The following TF variants were observed in gnomAD, a reference collection of about 807,000 sequenced individuals.
TF encodes transferrin.
In TF, 55 loss-of-function variants were observed where a neutral mutation model predicts 82.4. The ratio of observed to expected loss-of-function variants is 0.67; its 90% CI spans 0.54 to 0.84. The LOEUF (loss-of-function observed/expected upper bound fraction) is 0.84. Among genes scored for constraint, TF ranks in the 40% least tolerant of loss-of-function variants. The probability of loss-of-function intolerance (pLI) is 0.00; values close to 1 mark genes in which losing one functional copy is unlikely to be tolerated. For synonymous variants in TF, 332 were observed against 332.6 expected, an observed-to-expected ratio of 1.00 and a Z score of 0.02; for missense variants, 737 against 868.4, an observed-to-expected ratio of 0.85 and a Z score of 1.90.
chr3:133,665,196 A>G, the TF span, among the ~76,000 whole-genome samples: 4 of 152,172 alleles, frequency 2.6e-5, no homozygotes, highest in Admixed American at 6.5e-5. Context: ...ACCGGGTGCT[A>G]TGGCTCACAT....
the TF span, among the ~76,000 whole-genome samples, chr3:133,696,391 G>C: frequency 3.3e-5 from 5 of 151,750 alleles, no homozygotes; most frequent in African/African-American, 1.2e-4. Flanking sequence ...ATGTAGTATA[G>C]AAAAAAATAC....
intron 12 of TF, among the ~76,000 whole-genome samples, 159 bp from the exon 13 acceptor site, chr3:133,767,869 TA>T (rs1934163568): frequency 6.6e-6 from 1 of 152,232 alleles, no homozygotes; most frequent in Non-Finnish European, 1.5e-5. Flanking sequence ...GGTTCCCCTT[TA>T]AAGCCTATAG....
the TF span, among the ~76,000 whole-genome samples, chr3:133,663,874 C>G: frequency 3.9e-5 from 6 of 152,314 alleles, no homozygotes; most frequent in East Asian, 7.7e-4. Flanking sequence ...CACCCTTTAG[C>G]TTTTACCCAG....
chr3:133,784,133 TG>T lies in TF; in HGVS notation c.*5516del, dbSNP rs1466367397. On this transcript the variant is annotated 3_prime_UTR_variant, in exon 17 of 17. Transcript: ENST00000402696. ...CGAGGACAACCGACAAAGTCCTTAA[TG>T]GGCCCAGAAGGTGAGGGGAGTCCGG... 1.3e-5 allele frequency: 2 copies of T among 152,182 alleles called. No individual in the cohort carries two copies. Among genetic ancestry groups the T allele is most frequent in the East Asian group, 1.9e-4 (1 of 5,198 alleles). The allele number at this position is 152,182 out of a possible 1,614,324, so 9.4% of individuals were successfully genotyped here.
At chr3:133,682,927 G>GA in the TF span, among the ~76,000 whole-genome samples, 1 of 152,130 alleles carries the variant, frequency 6.6e-6, no homozygotes, top group Non-Finnish European at 1.5e-5. Flanking sequence ...TGAAATGAGG[G>GA]AAAAAATGTT....
the TF span, among the ~76,000 whole-genome samples, chr3:133,706,789 C>T: frequency 2.6e-5 from 4 of 152,070 alleles, no homozygotes; most frequent in South Asian, 8.3e-4. Flanking sequence ...CCTGCACAGC[C>T]CACCCTGCAC....
Position 133,782,792 on chromosome 3 carries a change from C to CAAAAAAA in TF, c.*4183_*4189dup, listed in dbSNP as rs55774134. The CAAAAAAA allele has an allele frequency of 9.7e-6, 1 of 103,022 alleles. No individual in the cohort carries two copies. The highest frequency in any genetic ancestry group is 3.8e-5 in the African/African-American group (1 of 26,044). The allele number at this position is 103,022 out of a possible 1,614,324, so 6.4% of individuals were successfully genotyped here. A position where few individuals can be genotyped will look rare whatever the true frequency, so the allele number is the denominator to read the frequency against. On this transcript the variant is annotated 3_prime_UTR_variant, in exon 17 of 17. Coordinates refer to ENST00000402696, the MANE Select transcript of TF (RefSeq NM_001063.4). ...GCAACATGACAAAACCCCATCTCTG[C>CAAAAAAA]AAAAAAAAAAAAAAAAACAAAAAAA...
the TF span, among the ~76,000 whole-genome samples, chr3:133,740,578 G>A: frequency 9.9e-5 from 15 of 151,978 alleles, no homozygotes; most frequent in East Asian, 1.9e-4. Flanking sequence ...TGATCCTCCC[G>A]CCTTGGCTTC....
chr3:133,792,795 G>T lies in TF; in HGVS notation c.*14175G>T, dbSNP rs765914144. 3 of 152,134 alleles carry T rather than the reference G, an allele frequency of 2.0e-5. No homozygotes were observed. Among genetic ancestry groups the T allele is most frequent in the Non-Finnish European group, 2.9e-5 (2 of 68,010 alleles). 9.4% of individuals were successfully genotyped at this position (152,134 alleles called of 1,614,324 possible). A position where few individuals can be genotyped will look rare whatever the true frequency, so the allele number is the denominator to read the frequency against. On this transcript the variant is annotated 3_prime_UTR_variant, in exon 17 of 17. Coordinates refer to ENST00000402696, the MANE Select transcript of TF (RefSeq NM_001063.4). ...CTAAAAGTTTGAATGAGTTGTGGAA[G>T]ATTTATAAAAATTAATATTGTAAAA... is the stretch of plus-strand genomic sequence containing the variant.
chr3:133,771,739 G>A lies in TF; in HGVS notation c.1687+1167G>A, dbSNP rs1326241380. ...GGCCTGGGCGACAGAGCGAGACTCCGTCTCAAAAAAAAAAAAAAAAAAAAA... is the reference window on the plus strand; with the variant it reads ...GGCCTGGGCGACAGAGCGAGACTCCATCTCAAAAAAAAAAAAAAAAAAAAA... On this transcript the variant is annotated intron_variant, in intron 14 of 16. Coordinates refer to ENST00000402696, the MANE Select transcript of TF (RefSeq NM_001063.4). Among the ~76,000 whole-genome samples the A allele has an allele frequency of 2.7e-3, 95 of 35,794 alleles. No homozygotes were observed. The African/African-American group carries it at 0.027, about 10-fold the overall frequency. The allele number at this position is 35,794 out of a possible 152,430, so 23.5% of individuals were successfully genotyped here. A position where few individuals can be genotyped will look rare whatever the true frequency, so the allele number is the denominator to read the frequency against.
chr3:133,717,633 G>T, the TF span, among the ~76,000 whole-genome samples: 2 of 152,304 alleles, frequency 1.3e-5, no homozygotes, highest in East Asian at 3.9e-4. Context: ...CTGGGCGAAA[G>T]CTTCCTGTTC....
chr3:133,693,670 C>T, the TF span, among the ~76,000 whole-genome samples: 3 of 152,294 alleles, frequency 2.0e-5, no homozygotes, highest in East Asian at 1.9e-4. Flanking sequence ...CCTCCTACCC[C>T]CTCCTCGACA....
chr3:133,712,223 C>G, the TF span, among the ~76,000 whole-genome samples: 2 of 152,178 alleles, frequency 1.3e-5, no homozygotes, highest in Non-Finnish European at 2.9e-5. Flanking sequence ...TGGTGGTGCC[C>G]TGGAGCCCAG....
intron 16 of TF, chr3:133,777,732 C>G (rs1934430037): frequency 5.7e-6 from 1 of 175,890 alleles, no homozygotes; most frequent in Non-Finnish European, 1.2e-5. Flanking sequence ...ACAGAAAGCT[C>G]TTTCAGACAG....
At chr3:133,728,169 T>C in the TF span, among the ~76,000 whole-genome samples, 1 of 152,110 alleles carries the variant, frequency 6.6e-6, no homozygotes, top group Non-Finnish European at 1.5e-5. Flanking sequence ...TTTGTGGCGT[T>C]CTCTGTATTT....
At chr3:133,742,802 GCCCACTGCTTTCTTACCCA>G (rs889828399), upstream of TF, among the ~76,000 whole-genome samples, 1 of 152,184 alleles carries the variant, frequency 6.6e-6, no homozygotes, top group Non-Finnish European at 1.5e-5. Flanking sequence ...TGGTTCAGAG[GCCCACTGCTTTCTTACCCA>G]CCTCCTGCTG....
the TF span, among the ~76,000 whole-genome samples, chr3:133,736,552 G>A: frequency 7.0e-6 from 1 of 143,360 alleles, no homozygotes; most frequent in Admixed American, 7.4e-5. Context: ...CTGTATTCAG[G>A]AGACCCATCT....
chr3:133,751,908 C>T (rs535400448), intron 2 of TF, among the ~76,000 whole-genome samples: 78 of 152,010 alleles, frequency 5.1e-4, no homozygotes, highest in African/African-American at 1.6e-3. Flanking sequence ...GCAGGAGAAT[C>T]GTTTGAACCC....
In TF at chr3:133,791,932, G is replaced by A. The variant is rs1934849203; in HGVS notation, c.*13312G>A. 1 of 152,110 alleles carries A rather than the reference G, an allele frequency of 6.6e-6. No homozygotes were observed. Among genetic ancestry groups the A allele is most frequent in the South Asian group, 2.1e-4 (1 of 4,812 alleles). 9.4% of individuals were successfully genotyped at this position (152,110 alleles called of 1,614,324 possible). ...TTATCAGAAAAGTAAAAAATGTAAT[G>A]CCTTCTATTTACTTCATGTAACTTA... On this transcript the variant is annotated 3_prime_UTR_variant, in exon 17 of 17. Transcript: ENST00000402696.
Sources: gnomAD v4.1 joint callset for allele counts (sites outside exome capture counted in the v4.1 genomes callset) on GRCh38, gnomAD v4.1.1 for gene constraint, MANE v1.5 for transcripts, NCBI Gene and HGNC (gene_info 2026-07-23, HGNC 2026-07-21) for gene names.